The following DDX21 variants were observed in gnomAD, a reference collection of about 807,000 sequenced individuals.
DDX21 encodes the protein DExD-box helicase 21.
A neutral mutation model predicts 90.0 loss-of-function variants in DDX21; 18 were observed. That is an observed-to-expected ratio of 0.20 (90% CI 0.14 to 0.30). DDX21 has a LOEUF of 0.30. DDX21 is among the 10% of genes least tolerant of loss of function. The pLI, the probability that DDX21 is intolerant of heterozygous loss-of-function variation, is 1.00. For synonymous variants in DDX21, 294 were observed against 318.0 expected, an observed-to-expected ratio of 0.92 and a Z score of 0.80; for missense variants, 673 against 944.5, an observed-to-expected ratio of 0.71 and a Z score of 3.77.
intron 8 of DDX21, among the ~76,000 whole-genome samples, chr10:68,971,078 C>T (rs973741987): frequency 4.0e-5 from 6 of 150,446 alleles, no homozygotes; most frequent in Admixed American, 3.3e-4. Context: ...TAGCATGCAC[C>T]ACCATACCTG....
intron 11 of DDX21, among the ~76,000 whole-genome samples, chr10:68,975,730 CG>C (rs753049468): frequency 2.0e-5 from 3 of 151,746 alleles, no homozygotes; most frequent in Non-Finnish European, 4.4e-5. Context: ...CTGGGCAACA[CG>C]GTGAAACTCC....
chr10:68,964,506 G>A (rs891584021), intron 4 of DDX21, among the ~76,000 whole-genome samples: 1 of 152,102 alleles, frequency 6.6e-6, no homozygotes, highest in African/African-American at 2.4e-5. Flanking sequence ...GGGATTACAG[G>A]CGTGTACCAC....
chr10:68,974,473 G>A (rs1456703160), intron 10 of DDX21, among the ~76,000 whole-genome samples, 197 bp from the exon 11 acceptor site: 1 of 152,216 alleles, frequency 6.6e-6, no homozygotes, highest in Non-Finnish European at 1.5e-5. Flanking sequence ...TACATTAACA[G>A]TGTAAGATGT....
At chr10:68,976,559 T>G (rs1340592721) in intron 11 of DDX21, among the ~76,000 whole-genome samples, 2 of 152,190 alleles carry the variant, frequency 1.3e-5, no homozygotes, top group African/African-American at 4.8e-5. Flanking sequence ...AGTGCTGGGA[T>G]TATAGGCGTG....
intron 8 of DDX21, among the ~76,000 whole-genome samples, chr10:68,971,603 A>G (rs758533471): frequency 6.6e-6 from 1 of 152,120 alleles, no homozygotes; most frequent in Non-Finnish European, 1.5e-5. Context: ...TCATCACACA[A>G]ATGAGGAAAG....
At chr10:68,961,181 C>T (rs187043903) in intron 2 of DDX21, among the ~76,000 whole-genome samples, 23 of 152,202 alleles carry the variant, frequency 1.5e-4, no homozygotes, top group Non-Finnish European at 1.2e-4. Context: ...GCGATAATCC[C>T]GCCTAAGCCT....
At chr10:68,961,921 G>A (rs1029744190) in intron 2 of DDX21, among the ~76,000 whole-genome samples, 161 bp from the exon 3 acceptor site, 6 of 152,084 alleles carry the variant, frequency 3.9e-5, no homozygotes, top group Non-Finnish European at 5.9e-5. Context: ...TTCAGATCTC[G>A]AGTTACCTAT....
intron 9 of DDX21, among the ~76,000 whole-genome samples, chr10:68,972,612 TAACTG>T (rs1293489553): frequency 6.6e-6 from 1 of 152,038 alleles, no homozygotes; most frequent in Non-Finnish European, 1.5e-5. Flanking sequence ...TGGGGAAAAA[TAACTG>T]AAGACTATGA....
chr10:68,977,441 GAA>G, intron 11 of DDX21, 86 bp from the exon 12 acceptor site: 1 of 1,272,090 alleles, frequency 7.9e-7, no homozygotes, highest in South Asian at 1.8e-5. Flanking sequence ...GAAAGATTTG[GAA>G]AGTTACTCAT....
chr10:68,980,369 T>C (rs1171872836), intron 13 of DDX21, among the ~76,000 whole-genome samples: 1 of 152,226 alleles, frequency 6.6e-6, no homozygotes, highest in Non-Finnish European at 1.5e-5. Flanking sequence ...TTAGGACACA[T>C]GTTTATGCAG....
chr10:68,963,375 G>C lies in DDX21; in HGVS notation c.692G>C (p.Arg231Pro). 6.2e-7 allele frequency: 1 copy of C among 1,614,056 alleles called. No individual in the cohort carries two copies. The highest frequency in any genetic ancestry group is 8.5e-7 in the Non-Finnish European group (1 of 1,179,990). ...YSGKDLIAQARTGTGKTFSFA... is the reference protein window; with the variant it reads ...YSGKDLIAQAPTGTGKTFSFA... ...GGGAAGGACTTAATTGCACAGGCACGGACAGGAACTGGGAAGACATTCTCC... is the reference window on the plus strand; with the variant it reads ...GGGAAGGACTTAATTGCACAGGCACCGACAGGAACTGGGAAGACATTCTCC... The change falls in exon 4 of 15, where the codon CGG becomes CCG. Residue 231 changes from arginine to proline, a missense_variant. By Grantham distance (103) the Arg-to-Pro change is moderately radical. Around this residue, in one of 4 missense-constraint regions of DDX21, gnomAD observed 218 missense variants for 347.3 expected, o/e 0.63. Transcript: ENST00000354185.
rs183132635 is a variant in DDX21, at chr10:68,964,595, C to T, written c.787-782C>T. ...CAGGCTGGTCTGGAACTCCTGACGT[C>T]AAGTGATCCACCCACCTCAGCCTCC... On this transcript the variant is annotated intron_variant, in intron 4 of 14. Transcript: ENST00000354185. 1.2e-3 allele frequency among the ~76,000 whole-genome samples: 181 copies of T among 148,754 alleles called. 1 individual carries two copies. Among genetic ancestry groups the T allele is most frequent in the Non-Finnish European group, 8.0e-4 (54 of 67,618 alleles).
chr10:68,981,533 C>T lies in DDX21; in HGVS notation c.2038-4C>T. 1 of 1,612,572 alleles carries T rather than the reference C, an allele frequency of 6.2e-7. No individual in the cohort carries two copies. Among genetic ancestry groups the T allele is most frequent in the South Asian group, 1.1e-5 (1 of 90,822 alleles). On this transcript the variant is annotated splice_polypyrimidine_tract_variant and splice_region_variant and intron_variant, in intron 13 of 14. Transcript: ENST00000354185. ...GATTAACTTCCATTTGCTTTGATTT[C>T]TAGGGTGTTTGCTTTGATGTACCTA...
intron 10 of DDX21, 86 bp downstream of exon 10, chr10:68,973,750 AT>A: frequency 6.6e-7 from 1 of 1,504,506 alleles, no homozygotes; most frequent in Non-Finnish European, 8.9e-7. Flanking sequence ...ACTTTAAAAT[AT>A]TTTTATTTCT....
In DDX21 at chr10:68,982,872, C is replaced by A; in HGVS notation, c.*60C>A. ...TGATGTTTGGCAATATAGAACTGAACATTATTTTTCATGCAAAGTTAAAAG... is the reference window on the plus strand; with the variant it reads ...TGATGTTTGGCAATATAGAACTGAAAATTATTTTTCATGCAAAGTTAAAAG... On this transcript the variant is annotated 3_prime_UTR_variant, in exon 15 of 15. Transcript: ENST00000354185. 1.3e-6 allele frequency: 2 copies of A among 1,574,244 alleles called. No individual in the cohort carries two copies. Among genetic ancestry groups the A allele is most frequent in the Non-Finnish European group, 1.7e-6 (2 of 1,157,566 alleles).
rs112161439 is a variant in DDX21 at position 68,981,404 on chromosome 10, T to A, written c.2038-133T>A. 587 of 773,040 alleles carry A rather than the reference T, an allele frequency of 7.6e-4. 1 individual carries two copies. The African/African-American group carries it at 8.2e-3, about 11-fold the overall frequency. 47.9% of individuals were successfully genotyped at this position (773,040 alleles called of 1,614,324 possible). ...TGTATTAGCTTTGGTCTAAAGTTCA[T>A]CTAAAATTATACCTGGTGGTTTTTT... On this transcript the variant is annotated intron_variant, in intron 13 of 14. Coordinates refer to ENST00000354185, the MANE Select transcript of DDX21 (RefSeq NM_004728.4).
chr10:68,981,423 G>GT, intron 13 of DDX21, 114 bp from the exon 14 acceptor site: 3 of 961,630 alleles, frequency 3.1e-6, no homozygotes, highest in Non-Finnish European at 4.8e-6. Flanking sequence ...ATACCTGGTG[G>GT]TTTTTTTGCT....
At chr10:68,971,828 TGAAGA>T (rs1446593944) in intron 8 of DDX21, 58 bp from the exon 9 acceptor site, 8 of 1,539,260 alleles carry the variant, frequency 5.2e-6, no homozygotes, top group Non-Finnish European at 8.9e-7. Flanking sequence ...GCCTAACTGA[TGAAGA>T]GAAAAAGTAC....
intron 2 of DDX21, among the ~76,000 whole-genome samples, chr10:68,960,776 A>T (rs1252726947): frequency 3.1e-4 from 2 of 6,492 alleles, no homozygotes; most frequent in East Asian, 0.016. Context: ...TCTGTCTTTA[A>T]AAAAAAAAAA....
Sources: gnomAD v4.1 joint callset for allele counts (sites outside exome capture counted in the v4.1 genomes callset) on GRCh38, gnomAD v4.1.1 for gene constraint, gnomAD v4.1.1 regional missense constraint, MANE v1.5 for transcripts, NCBI Gene and HGNC (gene_info 2026-07-23, HGNC 2026-07-21) for gene names.